The following CPAMD8 variants were observed in gnomAD, a reference collection of about 807,000 sequenced individuals.
CPAMD8 encodes C3 and PZP like alpha-2-macroglobulin domain containing 8, also known as C3 and PZP-like alpha-2-macroglobulin domain-containing protein 8.
A neutral mutation model predicts 224.7 loss-of-function variants in CPAMD8; 146 were observed. The ratio of observed to expected loss-of-function variants is 0.65; its 90% CI spans 0.57 to 0.75. The LOEUF is 0.75. Among genes scored for constraint, CPAMD8 ranks in the 30% least tolerant of loss-of-function variants. CPAMD8 has a pLI of 0.00. For synonymous variants in CPAMD8, 966 were observed against 1,044.6 expected (o/e 0.92, Z 1.45); for missense variants, 2,301 against 2,537.5 (o/e 0.91, Z 2.00).
rs1367191607 is a variant in CPAMD8, at chr19:16,903,694, A to T, written c.4407+8T>A. 6.2e-7 allele frequency: 1 copy of T among 1,614,070 alleles called. No individual in the cohort carries two copies. ...CAACCCCCAAACCCTCATCCCAGGA[A>T]CACGCACCGCTGCTGTCTGCAGAAC... On this transcript the variant is annotated splice_region_variant and intron_variant, in intron 33 of 41. Transcript: ENST00000443236.
intron 22 of CPAMD8, among the ~76,000 whole-genome samples, chr19:16,941,304 A>G (rs950042470): frequency 6.6e-6 from 1 of 152,204 alleles, no homozygotes; most frequent in Non-Finnish European, 1.5e-5. Flanking sequence ...ATAGGTGAAC[A>G]GATAAAGAAA....
intron 20 of CPAMD8, among the ~76,000 whole-genome samples, chr19:16,949,423 C>T (rs1015630186): frequency 3.9e-5 from 6 of 152,160 alleles, no homozygotes; most frequent in Non-Finnish European, 5.9e-5. Context: ...TCCTATTCCT[C>T]CCAACCATAA....
At chr19:16,897,831 T>A (rs2052086087) in intron 38 of CPAMD8, 30 bp from the exon 39 acceptor site, 2 of 1,573,494 alleles carry the variant, frequency 1.3e-6, no homozygotes, top group South Asian at 2.3e-5. Context: ...GGTGACCAAG[T>A]GCAGGCGCGA....
At chr19:17,000,008 T>C (rs74699092) in intron 10 of CPAMD8, among the ~76,000 whole-genome samples, 3,347 of 152,278 alleles carry the variant, frequency 0.022, 56 homozygotes, top group Non-Finnish European at 0.035. Flanking sequence ...TTACTTACAA[T>C]AACCTGTGAG....
At chr19:16,971,068 G>A in intron 17 of CPAMD8, 35 bp from the exon 18 acceptor site, 2 of 1,557,824 alleles carry the variant, frequency 1.3e-6, no homozygotes, top group Non-Finnish European at 1.7e-6. Context: ...CATTGGTGGG[G>A]AAGTGGATGC....
chr19:16,920,276 G>C (rs1471345335), intron 27 of CPAMD8, among the ~76,000 whole-genome samples: 2 of 149,982 alleles, frequency 1.3e-5, no homozygotes, highest in East Asian at 2.0e-4. Flanking sequence ...TCAGAAGATC[G>C]AGACCATCCT....
At chr19:17,010,747 G>T (rs149892720) in intron 5 of CPAMD8, among the ~76,000 whole-genome samples, 402 of 152,250 alleles carry the variant, frequency 2.6e-3, no homozygotes, top group African/African-American at 9.4e-3. Context: ...ATATAGCCAG[G>T]TGCAGTGGCT....
At chr19:16,907,307 CTTTTTTTTTTT>C (rs71334641) in intron 29 of CPAMD8, among the ~76,000 whole-genome samples, 190 bp from the exon 30 acceptor site, 2 of 81,074 alleles carry the variant, frequency 2.5e-5, no homozygotes, top group East Asian at 3.2e-4. Context: ...TCTTTCTTGC[CTTTTTTTTTTT>C]TTTTTTTTTT....
chr19:16,980,688 T>G lies in CPAMD8; in HGVS notation c.1396-2A>C. On this transcript the variant is annotated splice_acceptor_variant, in intron 13 of 41. Coordinates refer to ENST00000443236, the MANE Select transcript of CPAMD8 (RefSeq NM_015692.5). LOFTEE classifies it high-confidence loss of function. ...AGAAAAATAGGCTTCTTCCCCAACC[T>G]ATGGAAGACACGCAGCATGGGGGGC... The G allele has an allele frequency of 6.6e-7, 1 of 1,524,410 alleles. No individual in the cohort carries two copies. Among genetic ancestry groups the G allele is most frequent in the Admixed American group, 2.1e-5 (1 of 47,606 alleles). The allele number at this position is 1,524,410 out of a possible 1,614,324, so 94.4% of individuals were successfully genotyped here.
intron 19 of CPAMD8, 152 bp from the exon 20 acceptor site, chr19:16,952,352 A>G (rs1272641081): frequency 1.6e-6 from 1 of 628,464 alleles, no homozygotes; most frequent in Non-Finnish European, 2.8e-6. Flanking sequence ...AAGCGGCAAC[A>G]GGAAAAAAAC....
rs1159064335 is a variant in CPAMD8, at chr19:16,902,663, C to T, written c.4671G>A (p.Leu1557=). 2 of 1,608,430 alleles carry T rather than the reference C, an allele frequency of 1.2e-6. No individual in the cohort carries two copies. The highest frequency in any genetic ancestry group is 3.4e-5 in the Admixed American group (2 of 59,646). The change falls in exon 35 of 42, where the codon CTG becomes CTA. Residue 1557 remains leucine (L), a synonymous_variant. Transcript: ENST00000443236. ...DQHHQEYKVM[L]EVCTRWLHAG... is the part of the protein sequence containing the mutation. Reference sequence around the variant, plus strand: ...GGTGGCCTTACCTGGTGCACACCTCCAGCATCACCTTGTATTCCTGGTGAT... The same window carrying T: ...GGTGGCCTTACCTGGTGCACACCTCTAGCATCACCTTGTATTCCTGGTGAT...
chr19:16,900,571 G>C (rs564309569), intron 36 of CPAMD8, among the ~76,000 whole-genome samples: 1 of 151,992 alleles, frequency 6.6e-6, no homozygotes, highest in Admixed American at 6.6e-5. Flanking sequence ...GCACAGCCTG[G>C]GCAACAAGAG....
intron 22 of CPAMD8, among the ~76,000 whole-genome samples, chr19:16,940,133 A>C (rs535554718): frequency 9.3e-4 from 141 of 152,110 alleles, no homozygotes; most frequent in African/African-American, 3.3e-3. Context: ...GCTAGTCTCG[A>C]ACTCCTGACC....
rs144123794 is a variant in CPAMD8 at position 17,007,869 on chromosome 19, G to T, written c.559+636C>A. ...ATGATAAAATCTGCAACCTATAGCA[G>T]GAAGAAGCTGGGAGCAGGCCGGGCG... On this transcript the variant is annotated intron_variant, in intron 7 of 41. Transcript: ENST00000443236. Among the ~76,000 whole-genome samples, 214 of 152,314 alleles carry T rather than the reference G, an allele frequency of 1.4e-3. 1 individual carries two copies. In the East Asian group the frequency reaches 0.02, roughly 14 times the overall value.
At chr19:16,946,632 G>A (rs759291537) in intron 21 of CPAMD8, among the ~76,000 whole-genome samples, 1 of 147,066 alleles carries the variant, frequency 6.8e-6, no homozygotes, top group Non-Finnish European at 1.5e-5. Flanking sequence ...GTGTATGCAT[G>A]TCTACACATG....
intron 13 of CPAMD8, 80 bp downstream of exon 13, chr19:16,989,563 A>G (rs1431914976): frequency 2.0e-6 from 3 of 1,521,252 alleles, no homozygotes; most frequent in South Asian, 1.2e-5. Flanking sequence ...CTGGGATTAC[A>G]GGCATGAGCC....
intron 3 of CPAMD8, among the ~76,000 whole-genome samples, chr19:17,015,478 C>T (rs575228234): frequency 1.3e-4 from 20 of 152,200 alleles, no homozygotes; most frequent in African/African-American, 4.8e-4. Context: ...TCTCTGAAGC[C>T]ACACGGGGTC....
chr19:16,990,862 T>TAAAAAAAAAAA (rs2055919530), intron 12 of CPAMD8, among the ~76,000 whole-genome samples: 1 of 16,796 alleles, frequency 6.0e-5, no homozygotes, highest in Non-Finnish European at 1.1e-4. Flanking sequence ...AAACTCTGTC[T>TAAAAAAAAAAA]CAAAAAAAAA....
Position 16,914,751 on chromosome 19 carries a change from C to T in CPAMD8, c.3692G>A (p.Arg1231Gln), listed in dbSNP as rs775509060. ...QARSFIFVDP[R>Q]ELAAAKSWII... Reference sequence around the variant, plus strand: ...CCAGCTCTTGGCGGCAGCCAGCTCCCGGGGGTCCACGAAGATAAAGCTGCG... The same window carrying T: ...CCAGCTCTTGGCGGCAGCCAGCTCCTGGGGGTCCACGAAGATAAAGCTGCG... Residue 1231 changes from arginine (R) to glutamine (Q), a missense_variant, in exon 28 of 42, where the codon CGG becomes CAG. This residue lies in a region of CPAMD8 where 1,709 missense variants were observed against 1,753.2 expected (regional missense o/e 0.97). Coordinates refer to ENST00000443236, the MANE Select transcript of CPAMD8 (RefSeq NM_015692.5). The T allele has an allele frequency of 8.4e-5, 135 of 1,613,886 alleles. No individual in the cohort carries two copies. The highest frequency in any genetic ancestry group is 2.1e-4 in the African/African-American group (16 of 74,928).
Sources: gnomAD v4.1 joint callset for allele counts (sites outside exome capture counted in the v4.1 genomes callset) on GRCh38, gnomAD v4.1.1 for gene constraint, gnomAD v4.1.1 regional missense constraint, MANE v1.5 for transcripts, NCBI Gene and HGNC (gene_info 2026-07-23, HGNC 2026-07-21) for gene names.